The following GRIK3 variants were observed in gnomAD, a reference collection of about 807,000 sequenced individuals.
GRIK3 encodes the protein glutamate receptor ionotropic, kainate 3.
In GRIK3, 29 loss-of-function variants were observed where a neutral mutation model predicts 102.5. That is an observed-to-expected ratio of 0.28 (90% CI 0.21 to 0.39). The LOEUF (loss-of-function observed/expected upper bound fraction) is 0.39. Among genes scored for constraint, GRIK3 ranks in the 10% least tolerant of loss-of-function variants. The probability of loss-of-function intolerance (pLI) is 1.00; values close to 1 mark genes in which losing one functional copy is unlikely to be tolerated. For missense variants in GRIK3, 908 were observed against 1,252.4 expected (o/e 0.73, Z 4.15); for synonymous variants, 511 against 504.9 (o/e 1.01, Z -0.16).
Position 36,988,964 on chromosome 1 carries a change from G to T in GRIK3, c.115+45030C>A, listed in dbSNP as rs571165378. On this transcript the variant is annotated intron_variant, in intron 1 of 15. Transcript: ENST00000373091. ...ACGTACAGGCCCGAGCTGGTGGAGA[G>T]GGGGCGGCGGGGAAAGGACTGTCAC... 1.1e-4 allele frequency among the ~76,000 whole-genome samples: 17 copies of T among 152,254 alleles called. 1 individual carries two copies. The highest frequency in any genetic ancestry group is 1.8e-4 in the Non-Finnish European group (12 of 68,018).
intron 13 of GRIK3, among the ~76,000 whole-genome samples, chr1:36,815,914 C>G (rs1642621251): frequency 6.6e-6 from 1 of 152,032 alleles, no homozygotes; most frequent in Non-Finnish European, 1.5e-5. Flanking sequence ...TGCACGTCAC[C>G]TGTAATTTGT....
At chr1:36,911,738 G>C (rs141072041) in intron 1 of GRIK3, among the ~76,000 whole-genome samples, 1 of 152,220 alleles carries the variant, frequency 6.6e-6, no homozygotes, top group East Asian at 1.9e-4. Context: ...AGACCCTGAT[G>C]AGGGATGGGC....
chr1:36,850,538 C>G lies in GRIK3; in HGVS notation c.1213-114G>C, dbSNP rs367675648. 17 of 646,638 alleles carry G rather than the reference C, an allele frequency of 2.6e-5. 2 individuals are homozygous for G. The highest frequency in any genetic ancestry group is 1.2e-4 in the African/African-American group (7 of 56,322). The allele number at this position is 646,638 out of a possible 1,614,324, so 40.1% of individuals were successfully genotyped here. A position where few individuals can be genotyped will look rare whatever the true frequency, so the allele number is the denominator to read the frequency against. The stretch of plus-strand genomic sequence containing the variant: ...TCATCATGAGCCTCATTGTCATGAT[C>G]ATCATCATCATCACCACTGCCATTG... On this transcript the variant is annotated intron_variant, in intron 8 of 15. Coordinates refer to ENST00000373091, the MANE Select transcript of GRIK3 (RefSeq NM_000831.4). This position sits in a 1 kb window ranked among gnomAD's most constrained non-coding sequence, Gnocchi z 4.0.
intron 1 of GRIK3, among the ~76,000 whole-genome samples, chr1:36,899,666 T>C (rs1380250879): frequency 6.6e-6 from 1 of 152,148 alleles, no homozygotes; most frequent in Non-Finnish European, 1.5e-5. Context: ...CACTTAAAAA[T>C]GGTTAAGATG....
rs186836796 is a variant in GRIK3 at position 36,994,692 on chromosome 1, G to A, written c.115+39302C>T. Among the ~76,000 whole-genome samples the A allele has an allele frequency of 5.3e-5, 8 of 152,236 alleles. No homozygotes were observed. In the East Asian group the frequency reaches 1.5e-3, roughly 29 times the overall value. On this transcript the variant is annotated intron_variant, in intron 1 of 15. Transcript: ENST00000373091. ...ATGTGGTACTATCTCCTCCTCTATT[G>A]TAGAGCCTTTATTTTTAATAATGCC...
At chr1:36,904,188 C>T (rs78288613) in intron 1 of GRIK3, among the ~76,000 whole-genome samples, 1 of 152,216 alleles carries the variant, frequency 6.6e-6, no homozygotes, top group Non-Finnish European at 1.5e-5. Flanking sequence ...CGTGAACACA[C>T]AACTGTGTCC....
At chr1:36,814,496 T>G (rs1293886808) in intron 13 of GRIK3, among the ~76,000 whole-genome samples, 3 of 144,148 alleles carry the variant, frequency 2.1e-5, no homozygotes, top group Non-Finnish European at 4.5e-5. Context: ...TGGACCATTA[T>G]ACACATACAT....
intron 1 of GRIK3, among the ~76,000 whole-genome samples, chr1:36,965,991 C>T (rs1416578534): frequency 1.3e-5 from 2 of 152,202 alleles, no homozygotes; most frequent in Non-Finnish European, 2.9e-5. Flanking sequence ...TAAGCCAGCA[C>T]AGTGCTATAT....
At chr1:36,903,911 T>C (rs1269364547) in intron 1 of GRIK3, among the ~76,000 whole-genome samples, 1 of 152,180 alleles carries the variant, frequency 6.6e-6, no homozygotes, top group Non-Finnish European at 1.5e-5. Flanking sequence ...TATACATTAG[T>C]CAAAGCCCAC....
At chr1:36,895,298 C>A (rs1321383369) in intron 1 of GRIK3, among the ~76,000 whole-genome samples, 1 of 152,042 alleles carries the variant, frequency 6.6e-6, no homozygotes, top group Admixed American at 6.5e-5. Flanking sequence ...GCATCAGAAC[C>A]AGATTCAGAT....
intron 1 of GRIK3, among the ~76,000 whole-genome samples, chr1:36,976,428 T>G (rs1458506502): frequency 6.6e-6 from 1 of 152,174 alleles, no homozygotes; most frequent in Non-Finnish European, 1.5e-5. Flanking sequence ...TTGTGACCTC[T>G]TAAGCAGTAA....
intron 1 of GRIK3, among the ~76,000 whole-genome samples, chr1:37,016,812 A>G (rs1484038501): frequency 6.6e-6 from 1 of 152,186 alleles, no homozygotes; most frequent in Non-Finnish European, 1.5e-5. Flanking sequence ...ACCAATTAAA[A>G]TTAAAATGAT....
chr1:36,996,058 C>G (rs1197904771), intron 1 of GRIK3, among the ~76,000 whole-genome samples: 4 of 152,208 alleles, frequency 2.6e-5, no homozygotes, highest in African/African-American at 9.7e-5. Flanking sequence ...CCACCACCTG[C>G]CTCTGTGTTA....
At chr1:36,953,234 C>T (rs1641866047) in intron 1 of GRIK3, among the ~76,000 whole-genome samples, 1 of 152,134 alleles carries the variant, frequency 6.6e-6, no homozygotes, top group African/African-American at 2.4e-5. Context: ...GAGGAGCTGC[C>T]CTTGGGCTCT....
Position 36,801,737 on chromosome 1 carries a change from GCAGGTGGCAGCTCTGGTCCCCAAGCC to G in GRIK3, c.*88_*113del. 1.2e-6 allele frequency: 1 copy of G among 862,368 alleles called. No homozygotes were observed. The highest frequency in any genetic ancestry group is 1.7e-6 in the Non-Finnish European group (1 of 592,384). The allele number at this position is 862,368 out of a possible 1,614,324, so 53.4% of individuals were successfully genotyped here. A position where few individuals can be genotyped will look rare whatever the true frequency, so the allele number is the denominator to read the frequency against. On this transcript the variant is annotated 3_prime_UTR_variant, in exon 16 of 16. Transcript: ENST00000373091. ...GGGCAGGAGGCTCCTGGCCCAACAG[GCAGGTGGCAGCTCTGGTCCCCAAGCC>G]CAGTGCGGGGACAGGGGACGTTCCT...
chr1:36,809,848 A>T (rs1570736844), intron 13 of GRIK3, among the ~76,000 whole-genome samples: 1 of 152,224 alleles, frequency 6.6e-6, no homozygotes, highest in Admixed American at 6.5e-5. Context: ...GCCAGTGAAG[A>T]TGCAAGGTGA....
intron 13 of GRIK3, among the ~76,000 whole-genome samples, chr1:36,815,101 G>T (rs1642611534): frequency 6.6e-6 from 1 of 152,206 alleles, no homozygotes; most frequent in Non-Finnish European, 1.5e-5. Flanking sequence ...CTCACTCATA[G>T]GCAGGAACAC....
chr1:36,804,874 G>C, intron 15 of GRIK3, 113 bp downstream of exon 15: 1 of 1,321,134 alleles, frequency 7.6e-7, no homozygotes, highest in Non-Finnish European at 1.1e-6. Flanking sequence ...GATGCAGGGT[G>C]AGCTGTTGTG....
At chr1:37,001,222 A>T (rs942210190) in intron 1 of GRIK3, among the ~76,000 whole-genome samples, 16 of 152,176 alleles carry the variant, frequency 1.1e-4, no homozygotes, top group African/African-American at 3.6e-4. Context: ...GCTTCTTTTC[A>T]TTGTCACAAA....
Sources: allele counts gnomAD v4.1 joint callset (sites outside exome capture counted in the v4.1 genomes callset), GRCh38; gene constraint gnomAD v4.1.1; non-coding constraint Gnocchi (gnomAD v3.1); transcripts MANE v1.5; gene names NCBI Gene and HGNC (gene_info 2026-07-23, HGNC 2026-07-21).